Variants in LRRC20 observed in about 807,000 individuals in gnomAD.
LRRC20 encodes the protein leucine rich repeat containing 20.
A neutral mutation model predicts 14.4 loss-of-function variants in LRRC20; 11 were observed. The ratio of observed to expected loss-of-function variants is 0.77; its 90% CI spans 0.48 to 1.27. The LOEUF (loss-of-function observed/expected upper bound fraction) is 1.27. Among genes scored for constraint, LRRC20 ranks in the 50% most tolerant of loss-of-function variants. LRRC20 has a pLI of 0.00. For missense variants in LRRC20, 219 were observed against 251.2 expected (o/e 0.87, Z 0.87); for synonymous variants, 121 against 107.3 (o/e 1.13, Z -0.79).
intron 4 of LRRC20, among the ~76,000 whole-genome samples, chr10:70,311,901 C>T (rs985598631): frequency 6.6e-6 from 1 of 152,182 alleles, no homozygotes; most frequent in African/African-American, 2.4e-5. Flanking sequence ...AGTGTTTACA[C>T]AAAATTACTT....
In LRRC20 at chr10:70,372,215, C is replaced by G. The variant is rs559279330; in HGVS notation, c.82+4237G>C. ...TTCCACAGTGGCAGGTGGTCCTTTC[C>G]CTAAAATCTGTTCCCTAATTTTAAG... On this transcript the variant is annotated intron_variant, in intron 2 of 4. Coordinates refer to ENST00000446961, the MANE Select transcript of LRRC20 (RefSeq NM_001278212.2). Among the ~76,000 whole-genome samples the G allele has an allele frequency of 2.5e-3, 383 of 152,244 alleles. 3 individuals are homozygous for G. The highest frequency in any genetic ancestry group is 8.5e-3 in the African/African-American group (355 of 41,526).
intron 2 of LRRC20, among the ~76,000 whole-genome samples, chr10:70,357,674 GGCAAGCCA>G (rs901603241): frequency 5.9e-5 from 9 of 152,076 alleles, no homozygotes; most frequent in African/African-American, 2.2e-4. Context: ...CCTCCTTCCT[GGCAAGCCA>G]GTAAGGAGAA....
intron 2 of LRRC20, among the ~76,000 whole-genome samples, chr10:70,342,966 T>C (rs180751082): frequency 1.1e-4 from 17 of 152,314 alleles, no homozygotes; most frequent in African/African-American, 3.8e-4. Context: ...AAAATAAACA[T>C]GTGAAACTCA....
chr10:70,363,341 AGG>A (rs1843827949), intron 2 of LRRC20, among the ~76,000 whole-genome samples: 1 of 151,970 alleles, frequency 6.6e-6, no homozygotes, highest in Non-Finnish European at 1.5e-5. Context: ...GAAGGGAGGA[AGG>A]AAGAAACCCC....
At chr10:70,354,500 C>A (rs1843450628) in intron 2 of LRRC20, among the ~76,000 whole-genome samples, 1 of 152,194 alleles carries the variant, frequency 6.6e-6, no homozygotes, top group Admixed American at 6.5e-5. Flanking sequence ...AAGGCACATT[C>A]TCAGGCACCA....
At chr10:70,313,557 A>G (rs375308838) in intron 4 of LRRC20, among the ~76,000 whole-genome samples, 3 of 152,158 alleles carry the variant, frequency 2.0e-5, no homozygotes, top group South Asian at 2.1e-4. Flanking sequence ...TAGCCTCACA[A>G]GCTGTCCTTG....
chr10:70,308,017 T>C (rs1841490409), intron 4 of LRRC20, among the ~76,000 whole-genome samples: 1 of 152,152 alleles, frequency 6.6e-6, no homozygotes, highest in South Asian at 2.1e-4. Context: ...AGTCTCAGCC[T>C]GAGTTCACCA....
At chr10:70,372,603 G>A (rs534893660) in intron 2 of LRRC20, among the ~76,000 whole-genome samples, 223 of 151,766 alleles carry the variant, frequency 1.5e-3, no homozygotes, top group Non-Finnish European at 2.1e-3. Flanking sequence ...CACCACGCCC[G>A]GCTAATTTTT....
intron 3 of LRRC20, among the ~76,000 whole-genome samples, chr10:70,330,633 A>G (rs1842502392): frequency 6.6e-6 from 1 of 152,184 alleles, no homozygotes; most frequent in African/African-American, 2.4e-5. Flanking sequence ...CATGGGAAGG[A>G]AGCATTCCAC....
chr10:70,356,626 G>A (rs550516004), intron 2 of LRRC20, among the ~76,000 whole-genome samples: 2 of 152,314 alleles, frequency 1.3e-5, no homozygotes, highest in South Asian at 4.1e-4. Flanking sequence ...GCCGAGGCGG[G>A]CAGATCACGA....
intron 4 of LRRC20, among the ~76,000 whole-genome samples, chr10:70,310,522 A>G (rs1327579943): frequency 6.6e-6 from 1 of 152,190 alleles, no homozygotes. Flanking sequence ...AAACTCTCTG[A>G]ACATTTTCTT....
At chr10:70,370,335 T>C (rs1844218747) in intron 2 of LRRC20, among the ~76,000 whole-genome samples, 1 of 152,064 alleles carries the variant, frequency 6.6e-6, no homozygotes, top group East Asian at 1.9e-4. Flanking sequence ...ATTACACAGA[T>C]GATAGTTCAC....
chr10:70,361,943 T>C (rs10999297), intron 2 of LRRC20, among the ~76,000 whole-genome samples: 42,388 of 152,144 alleles, frequency 0.28, 6,956 homozygotes, highest in East Asian at 0.49. Flanking sequence ...TCCCAACACT[T>C]TGGGAGGCCA....
intron 2 of LRRC20, among the ~76,000 whole-genome samples, chr10:70,375,671 G>A (rs547467921): frequency 6.6e-6 from 1 of 152,320 alleles, no homozygotes; most frequent in African/African-American, 2.4e-5. Flanking sequence ...CCCCAAGGCA[G>A]GACTGTGCTC....
At chr10:70,344,689 C>T (rs1390760488) in intron 2 of LRRC20, among the ~76,000 whole-genome samples, 3 of 152,136 alleles carry the variant, frequency 2.0e-5, no homozygotes, top group Non-Finnish European at 2.9e-5. Flanking sequence ...ACCTCAGCTT[C>T]CCGGGTAGCT....
intron 2 of LRRC20, among the ~76,000 whole-genome samples, chr10:70,374,786 G>C (rs527433430): frequency 6.6e-6 from 1 of 152,294 alleles, no homozygotes; most frequent in African/African-American, 2.4e-5. Flanking sequence ...ATTTGCAAGG[G>C]GAAGGGCTTA....
At chr10:70,350,416 C>T (rs932956860) in intron 2 of LRRC20, among the ~76,000 whole-genome samples, 7 of 152,206 alleles carry the variant, frequency 4.6e-5, no homozygotes, top group Admixed American at 3.3e-4. Context: ...ATAAAGAAGC[C>T]TTTTATTCAA....
intron 2 of LRRC20, among the ~76,000 whole-genome samples, chr10:70,341,698 G>T (rs1019081121): frequency 1.3e-5 from 2 of 152,176 alleles, no homozygotes; most frequent in Non-Finnish European, 2.9e-5. Flanking sequence ...AGCCTGGGAG[G>T]TGGGAGTTAC....
At chr10:70,345,388 A>C (rs1051595251) in intron 2 of LRRC20, among the ~76,000 whole-genome samples, 34 of 152,318 alleles carry the variant, frequency 2.2e-4, no homozygotes, top group Admixed American at 2.2e-3. Context: ...TTGAACATTT[A>C]TACAACCTCT....
Sources: allele counts gnomAD v4.1 joint callset (sites outside exome capture counted in the v4.1 genomes callset), GRCh38; gene constraint gnomAD v4.1.1; transcripts MANE v1.5; gene names NCBI Gene and HGNC (gene_info 2026-07-23, HGNC 2026-07-21).